The following ARHGAP33 variants were observed in gnomAD, a reference collection of about 807,000 sequenced individuals.
ARHGAP33 encodes rho GTPase-activating protein 33.
Under a neutral mutation model 126.2 loss-of-function variants are expected in ARHGAP33, and 57 were observed. The observed-to-expected ratio is 0.45, with a 90% CI of 0.36 to 0.56. The LOEUF (loss-of-function observed/expected upper bound fraction) is 0.56. Among genes scored for constraint, ARHGAP33 ranks in the 20% least tolerant of loss-of-function variants. The pLI is 0.00. For synonymous variants in ARHGAP33, 711 were observed against 755.0 expected, an observed-to-expected ratio of 0.94 and a Z score of 0.95; for missense variants, 1,500 against 1,748.3, an observed-to-expected ratio of 0.86 and a Z score of 2.53.
At position 35,785,406 on chromosome 19, in the gene ARHGAP33, C is replaced by T. The variant is rs1051810216; in HGVS notation, c.1868-3C>T. 6.2e-7 allele frequency: 1 copy of T among 1,614,224 alleles called. No homozygotes were observed. The highest frequency in any genetic ancestry group is 8.5e-7 in the Non-Finnish European group (1 of 1,180,032). On this transcript the variant is annotated splice_polypyrimidine_tract_variant and splice_region_variant and intron_variant, in intron 18 of 20. Transcript: ENST00000007510. ...TGCCCTCCTACCTCTCCCTCTCCTG[C>T]AGGCAGCAGACCCGACACCGTCACA...
At chr19:35,780,721 C>G (rs1971718782) in intron 9 of ARHGAP33, 36 bp from the exon 10 acceptor site, 1 of 1,613,276 alleles carries the variant, frequency 6.2e-7, no homozygotes, top group Admixed American at 1.7e-5. Flanking sequence ...CTTTTGCCTC[C>G]CACTCATCCC....
rs1434334337 is a variant in ARHGAP33, at chr19:35,786,247, C to G, written c.1943-166C>G. 7.0e-7 allele frequency: 1 copy of G among 1,424,702 alleles called. No homozygotes were observed. The highest frequency in any genetic ancestry group is 9.1e-7 in the Non-Finnish European group (1 of 1,094,160). The allele number at this position is 1,424,702 out of a possible 1,614,324, so 88.3% of individuals were successfully genotyped here. A position where few individuals can be genotyped will look rare whatever the true frequency, so the allele number is the denominator to read the frequency against. On this transcript the variant is annotated intron_variant, in intron 19 of 20. Transcript: ENST00000007510. This position sits in a 1 kb window ranked among gnomAD's most constrained non-coding sequence, Gnocchi z 7.0. ...GCCACAGGGCCTTCGTGCTTTGGGCCGGAAGTGTCCTCTTCATGGTCTCCA... is the reference window on the plus strand; with the variant it reads ...GCCACAGGGCCTTCGTGCTTTGGGCGGGAAGTGTCCTCTTCATGGTCTCCA...
At position 35,788,786 on chromosome 19, in the gene ARHGAP33, A is replaced by C; in HGVS notation, c.*357A>C. 4.6e-6 allele frequency: 1 copy of C among 219,160 alleles called. No individual in the cohort carries two copies. Among genetic ancestry groups the C allele is most frequent in the East Asian group, 9.8e-5 (1 of 10,154 alleles). 13.6% of individuals were successfully genotyped at this position (219,160 alleles called of 1,614,324 possible). A position where few individuals can be genotyped will look rare whatever the true frequency, so the allele number is the denominator to read the frequency against. ...CTTTCCCCACATGCCCCACTAAACC[A>C]TCTGACAACATTAATGAATAAAATG... On this transcript the variant is annotated 3_prime_UTR_variant, in exon 21 of 21. Transcript: ENST00000007510.
At chr19:35,784,533 C>T (rs1013680586) in intron 16 of ARHGAP33, 18 of 1,321,298 alleles carry the variant, frequency 1.4e-5, no homozygotes, top group Middle Eastern at 2.8e-4. Flanking sequence ...GCCCGGACGC[C>T]GCTCTTCCTT....
At chr19:35,784,624 C>A (rs1183088836) in intron 16 of ARHGAP33, 3 of 1,288,902 alleles carry the variant, frequency 2.3e-6, no homozygotes, top group Non-Finnish European at 2.9e-6. Context: ...TTGACCCCGC[C>A]CCGGCCCCAC....
chr19:35,787,020 C>G lies in ARHGAP33; in HGVS notation c.2550C>G (p.Asp850Glu). Residue 850 changes from aspartate to glutamate, a missense_variant, in exon 20 of 21, where the codon GAC (aspartate) becomes GAG (glutamate). By Grantham distance (45) the Asp-to-Glu change is conservative. This residue lies in a region of ARHGAP33 where 642 missense variants were observed against 634.0 expected (regional missense o/e 1.01). Coordinates refer to ENST00000007510, the MANE Select transcript of ARHGAP33 (RefSeq NM_001366178.1). ...GAGGAGCCGAGGCCCCGCTGACTGA[C>G]GCCTGCCAGCAGGAGATGTGCAGCA... is the stretch of plus-strand genomic sequence containing the variant. ...LLRGAEAPLT[D>E]ACQQEMCSKL... 1 of 1,609,240 alleles carries G rather than the reference C, an allele frequency of 6.2e-7. No individual in the cohort carries two copies. Among genetic ancestry groups the G allele is most frequent in the Non-Finnish European group, 8.5e-7 (1 of 1,177,814 alleles).
intron 12 of ARHGAP33, among the ~76,000 whole-genome samples, chr19:35,781,493 A>C (rs1971775133): frequency 6.6e-6 from 1 of 152,240 alleles, no homozygotes; most frequent in Non-Finnish European, 1.5e-5. Flanking sequence ...TGAGTGAGAC[A>C]GCCAGAAACC....
At position 35,780,568 on chromosome 19, in the gene ARHGAP33, C is replaced by T; in HGVS notation, c.703-14C>T. 1.2e-6 allele frequency: 2 copies of T among 1,613,706 alleles called. No individual in the cohort carries two copies. The highest frequency in any genetic ancestry group is 1.7e-6 in the Non-Finnish European group (2 of 1,179,916). On this transcript the variant is annotated splice_polypyrimidine_tract_variant and intron_variant, in intron 8 of 20. Transcript: ENST00000007510. ...AACTGGGGTGGCCCAGCTACTGACC[C>T]TGACCTTCCTCAGGTCGGGTTCTTC...
In ARHGAP33 at chr19:35,782,368, C is replaced by G. The variant is rs199720880; in HGVS notation, c.1086-5C>G. 1.6e-3 allele frequency: 2,540 copies of G among 1,598,376 alleles called. 4 individuals are homozygous for G. Among genetic ancestry groups the G allele is most frequent in the Non-Finnish European group, 2.0e-3 (2,328 of 1,167,280 alleles). Reference sequence around the variant, plus strand: ...TCTTCCTCCTCCTTGACACGGTGGTCTCAGGCACGAGTTTGACAGTGAGAG... The same window carrying G: ...TCTTCCTCCTCCTTGACACGGTGGTGTCAGGCACGAGTTTGACAGTGAGAG... On this transcript the variant is annotated splice_polypyrimidine_tract_variant and splice_region_variant and intron_variant, in intron 12 of 20. Coordinates refer to ENST00000007510, the MANE Select transcript of ARHGAP33 (RefSeq NM_001366178.1). The surrounding 1 kb of genome is among the most constrained non-coding windows in gnomAD (Gnocchi z 4.1).
At chr19:35,777,771 T>C (rs774853963) in intron 2 of ARHGAP33, 29 bp downstream of exon 2, 2 of 1,613,676 alleles carry the variant, frequency 1.2e-6, no homozygotes, top group Middle Eastern at 1.7e-4. Context: ...AGGGCTCAGC[T>C]AGGAGCTGGG....
At chr19:35,778,796 G>C in intron 5 of ARHGAP33, 195 bp downstream of exon 5, 1 of 989,716 alleles carries the variant, frequency 1.0e-6, no homozygotes, top group Non-Finnish European at 1.4e-6. Context: ...TTAGGATCAT[G>C]GGGAGTTCCA....
rs1011237711 is a variant in ARHGAP33 at position 35,786,191 on chromosome 19, T to G, written c.1943-222T>G. On this transcript the variant is annotated intron_variant, in intron 19 of 20. Transcript: ENST00000007510. The surrounding 1 kb of genome is among the most constrained non-coding windows in gnomAD (Gnocchi z 7.0). ...CTGGCTCAGCAGCTGTATGTGAATC[T>G]GTTGGTCTCGTGCTCACAGCCTGTG... 1.8e-5 allele frequency: 25 copies of G among 1,400,352 alleles called. No homozygotes were observed. The highest frequency in any genetic ancestry group is 1.7e-4 in the South Asian group (10 of 59,242). The allele number at this position is 1,400,352 out of a possible 1,614,324, so 86.7% of individuals were successfully genotyped here.
At chr19:35,779,150 A>G (rs231231) in intron 6 of ARHGAP33, 26 bp downstream of exon 6, 640,965 of 1,537,102 alleles carry the variant, frequency 0.42, 140,686 homozygotes, top group East Asian at 0.73. Context: ...GGGCTTGGAG[A>G]TTCCGAGTGG....
At chr19:35,775,794 G>A (rs866141579) in intron 1 of ARHGAP33, 130 bp downstream of exon 1, 4 of 920,822 alleles carry the variant, frequency 4.3e-6, no homozygotes, top group Non-Finnish European at 4.6e-6. Context: ...GGTCCCTCCC[G>A]TCCTGCGGCC....
chr19:35,775,648 G>T lies in ARHGAP33; in HGVS notation c.-11G>T. On this transcript the variant is annotated 5_prime_UTR_variant, in exon 1 of 21. Coordinates refer to ENST00000007510, the MANE Select transcript of ARHGAP33 (RefSeq NM_001366178.1). ...TCGAGCGCGGCCGGGGCCTGAGGAGGCTACGCGACCATGGTGGTAAGGGTC... is the reference window on the plus strand; with the variant it reads ...TCGAGCGCGGCCGGGGCCTGAGGAGTCTACGCGACCATGGTGGTAAGGGTC... 6.5e-7 allele frequency: 1 copy of T among 1,547,528 alleles called. No individual in the cohort carries two copies.
intron 9 of ARHGAP33, 37 bp downstream of exon 9, chr19:35,780,685 G>A: frequency 6.2e-7 from 1 of 1,601,146 alleles, no homozygotes; most frequent in East Asian, 2.2e-5. Flanking sequence ...GTGGGGAGGG[G>A]TGGGAAGGGG....
chr19:35,787,676 C>T lies in ARHGAP33; in HGVS notation c.3111C>T (p.Pro1037=). The change falls in exon 21 of 21, where the codon CCC becomes CCT. Residue 1037 remains proline, a synonymous_variant. Coordinates refer to ENST00000007510, the MANE Select transcript of ARHGAP33 (RefSeq NM_001366178.1). Reference sequence around the variant, plus strand: ...CCCCCGGCTTCTTCTCCCCAGCCCCCAGGGAGTGCCTGCCACCCTTCCTCG... The same window carrying T: ...CCCCCGGCTTCTTCTCCCCAGCCCCTAGGGAGTGCCTGCCACCCTTCCTCG... ...VPTPGFFSPA[P]RECLPPFLGV... 2 of 1,595,318 alleles carry T rather than the reference C, an allele frequency of 1.3e-6. No homozygotes were observed. The highest frequency in any genetic ancestry group is 1.7e-6 in the Non-Finnish European group (2 of 1,174,840).
At position 35,777,901 on chromosome 19, in the gene ARHGAP33, A is replaced by G. The variant is rs1212547657; in HGVS notation, c.182A>G (p.His61Arg). Residue 61 changes from histidine (H) to arginine (R), a missense_variant, in exon 3 of 21, where the codon CAC becomes CGC. By Grantham distance (29) the His-to-Arg change is conservative (BLOSUM62 0). Transcript: ENST00000007510. ...CACTACGAGAACGTTGACTTTGGCC[A>G]CATTCAGGTATGGGGGCTTTGCATT... ...HFHYENVDFGHIQLLLSPDRE... is the reference protein window; with the variant it reads ...HFHYENVDFGRIQLLLSPDRE... 6.2e-7 allele frequency: 1 copy of G among 1,614,194 alleles called. No individual in the cohort carries two copies. The highest frequency in any genetic ancestry group is 8.5e-7 in the Non-Finnish European group (1 of 1,180,014).
At chr19:35,783,356 G>A (rs941448495) in intron 15 of ARHGAP33, among the ~76,000 whole-genome samples, 1 of 152,242 alleles carries the variant, frequency 6.6e-6, no homozygotes, top group African/African-American at 2.4e-5. Context: ...CAGAGGACGG[G>A]CGTAAGATGT....
Sources: allele counts gnomAD v4.1 joint callset (sites outside exome capture counted in the v4.1 genomes callset), GRCh38; gene constraint gnomAD v4.1.1; regional missense constraint gnomAD v4.1.1; non-coding constraint Gnocchi (gnomAD v3.1); transcripts MANE v1.5; gene names NCBI Gene and HGNC (gene_info 2026-07-23, HGNC 2026-07-21).